RSRP1: variants seen among roughly 807,000 people sequenced by gnomAD.
The protein encoded by RSRP1 is arginine/serine-rich protein 1.
In RSRP1, 37 loss-of-function variants were observed where a neutral mutation model predicts 33.0. The ratio of observed to expected loss-of-function variants is 1.12; its 90% CI spans 0.86 to 1.48. The LOEUF (loss-of-function observed/expected upper bound fraction) is 1.48, where lower values mean the gene tolerates loss of function less well. Among genes scored for constraint, RSRP1 ranks in the 40% most tolerant of loss-of-function variants. The probability of loss-of-function intolerance (pLI) is 0.00; values close to 1 mark genes in which losing one functional copy is unlikely to be tolerated. For missense variants in RSRP1, 402 were observed against 385.3 expected, an observed-to-expected ratio of 1.04 and a Z score of -0.36; for synonymous variants, 167 against 158.7, an observed-to-expected ratio of 1.05 and a Z score of -0.40.
Position 25,320,957 on chromosome 1 carries a change from T to C in RSRP1, c.-67+17021A>G, listed in dbSNP as rs187317244. ...TACTTGGGAGGCTGAGGTGGGAGGG[T>C]TGCTTGACCCCGGGAGTTTGAGGCT... is the stretch of plus-strand genomic sequence containing the variant. On this transcript the variant is annotated intron_variant, in intron 1 of 1. Transcript: ENST00000561867. Among the ~76,000 whole-genome samples the C allele has an allele frequency of 3.1e-5, 4 of 131,012 alleles. No individual in the cohort carries two copies. The East Asian group carries it at 7.9e-4, about 26-fold the overall frequency. 85.9% of individuals were successfully genotyped at this position (131,012 alleles called of 152,430 possible). A position where few individuals can be genotyped will look rare whatever the true frequency, so the allele number is the denominator to read the frequency against.
chr1:25,290,518 C>T lies in RSRP1; in HGVS notation c.-66-43489G>A, dbSNP rs1750383. ...GTGGGTAGAAATCTTGTCTTCTATT[C>T]CCACAGAAAGTAGGTGCCCAACAGT... On this transcript the variant is annotated intron_variant, in intron 1 of 1. Transcript: ENST00000561867. The T allele has an allele frequency of 3.1e-3, 2,815 of 899,452 alleles. 347 individuals are homozygous for T. In the African/African-American group the frequency reaches 0.039, roughly 12 times the overall value. The allele number at this position is 899,452 out of a possible 1,614,324, so 55.7% of individuals were successfully genotyped here. A position where few individuals can be genotyped will look rare whatever the true frequency, so the allele number is the denominator to read the frequency against.
At chr1:25,251,661 G>A (rs929754253), upstream of RSRP1, among the ~76,000 whole-genome samples, 34 of 152,108 alleles carry the variant, frequency 2.2e-4, no homozygotes, top group African/African-American at 7.7e-4. Context: ...GAGCCACTGC[G>A]CCCGGCTCAA....
intron 1 of RSRP1, among the ~76,000 whole-genome samples, chr1:25,256,301 T>A (rs1212735559): frequency 1.3e-5 from 2 of 151,968 alleles, no homozygotes; most frequent in Admixed American, 6.5e-5. Flanking sequence ...ACTACAGGCA[T>A]GCGCCACTAC....
rs1448183442 is a variant in RSRP1 at position 25,292,657 on chromosome 1, G to C, written c.-67+45321C>G. On this transcript the variant is annotated intron_variant, in intron 1 of 1. Coordinates refer to the RSRP1 transcript ENST00000561867. ...GCGTTAGGGTTAAGGTTGGGGGAGGGGGGGTAGAGATGTGTATGAAACATC... is the reference window on the plus strand; with the variant it reads ...GCGTTAGGGTTAAGGTTGGGGGAGGCGGGGTAGAGATGTGTATGAAACATC... 1.5e-5 allele frequency among the ~76,000 whole-genome samples: 2 copies of C among 129,546 alleles called. 1 individual carries two copies. The highest frequency in any genetic ancestry group is 3.7e-5 in the Non-Finnish European group (2 of 54,684). The allele number at this position is 129,546 out of a possible 152,430, so 85.0% of individuals were successfully genotyped here.
intron 1 of RSRP1, among the ~76,000 whole-genome samples, chr1:25,261,142 C>A (rs1029447035): frequency 2.6e-5 from 4 of 152,190 alleles, no homozygotes; most frequent in East Asian, 1.9e-4. Flanking sequence ...TAGATTAGGG[C>A]TCCACCCTCA....
intron 1 of RSRP1, chr1:25,336,909 A>T (rs573798669): frequency 6.6e-6 from 1 of 151,948 alleles, no homozygotes; most frequent in Non-Finnish European, 1.5e-5. Flanking sequence ...AAACAAAAAA[A>T]CCCAAAGGGA....
At chr1:25,258,707 A>G (rs548804070) in intron 1 of RSRP1, among the ~76,000 whole-genome samples, 8 of 152,350 alleles carry the variant, frequency 5.3e-5, no homozygotes, top group Admixed American at 2.0e-4. Flanking sequence ...AATTTTTAAT[A>G]TTCAGTCATT....
chr1:25,299,998 C>G (rs1206156262), intron 1 of RSRP1, among the ~76,000 whole-genome samples: 1 of 131,424 alleles, frequency 7.6e-6, no homozygotes, highest in Non-Finnish European at 1.8e-5. Context: ...GATCCACCCA[C>G]CTCAGCCTCC....
upstream of RSRP1, among the ~76,000 whole-genome samples, chr1:25,251,922 G>A (rs940008559): frequency 6.2e-5 from 9 of 146,122 alleles, no homozygotes; most frequent in South Asian, 4.3e-4. Context: ...ACAGAGTCTC[G>A]CTCTCTTGCC....
At chr1:25,329,511 G>GAA (rs1644946833) in intron 1 of RSRP1, 1 of 205,446 alleles carries the variant, frequency 4.9e-6, no homozygotes, top group African/African-American at 2.5e-5. Context: ...CCAAAGTGCT[G>GAA]GAACCACAGG....
At chr1:25,258,237 G>A (rs1306346846) in intron 1 of RSRP1, among the ~76,000 whole-genome samples, 1 of 152,188 alleles carries the variant, frequency 6.6e-6, no homozygotes, top group Non-Finnish European at 1.5e-5. Flanking sequence ...CTGGAGTGCA[G>A]TGGCACAATC....
Position 25,243,754 on chromosome 1 carries a change from C to T in RSRP1, c.673-121G>A, listed in dbSNP as rs570005753. 8 of 1,460,962 alleles carry T rather than the reference C, an allele frequency of 5.5e-6. No individual in the cohort carries two copies. In the South Asian group the frequency reaches 1.1e-4, roughly 20 times the overall value. 90.5% of individuals were successfully genotyped at this position (1,460,962 alleles called of 1,614,324 possible). On this transcript the variant is annotated intron_variant, in intron 3 of 4. Transcript: ENST00000243189. ...TGTAGACACAAAAATCAACTTGGAT[C>T]TAACAGCCTAAGTAACAGAACTATT...
chr1:25,246,698 C>G lies in RSRP1; in HGVS notation c.266G>C (p.Arg89Pro). The G allele has an allele frequency of 6.2e-7, 1 of 1,607,716 alleles. No homozygotes were observed. ...RSYSRSRSRSRSRRYRERRYG... is the reference protein window; with the variant it reads ...RSYSRSRSRSPSRRYRERRYG... ...GCGCCTCTCTCGGTAACGGCGGCTG[C>G]GGGATCGCGACCGGCTCCGCGAGTA... The change falls in exon 2 of 5, where the codon CGC becomes CCC. Residue 89 changes from arginine (R) to proline (P), a missense_variant. Transcript: ENST00000243189.
chr1:25,268,891 T>A (rs1557503891), intron 1 of RSRP1, among the ~76,000 whole-genome samples: 1 of 122,838 alleles, frequency 8.1e-6, no homozygotes, highest in African/African-American at 2.8e-5. Context: ...GAGGTTGCAG[T>A]GAGCCGAGAT....
intron 2 of RSRP1, 133 bp downstream of exon 2, chr1:25,246,311 C>T: frequency 7.2e-7 from 1 of 1,380,150 alleles, no homozygotes; most frequent in South Asian, 1.4e-5. Flanking sequence ...TAATGTCCTC[C>T]CTCTTTCCTC....
chr1:25,266,888 A>T (rs1640327892), intron 1 of RSRP1: 1 of 120,736 alleles, frequency 8.3e-6, no homozygotes, highest in Non-Finnish European at 1.9e-5. Context: ...GCTACCGGAC[A>T]GGCACCAAGG....
chr1:25,249,205 ATGTGT>A (rs1241788595), upstream of RSRP1, among the ~76,000 whole-genome samples: 1 of 151,312 alleles, frequency 6.6e-6, no homozygotes, highest in Non-Finnish European at 1.5e-5. Flanking sequence ...TATAAAAATG[ATGTGT>A]TGGGGAACTA....
chr1:25,286,582 C>G lies in RSRP1; in HGVS notation c.-66-39553G>C, dbSNP rs1267069585. On this transcript the variant is annotated intron_variant, in intron 1 of 1. Transcript: ENST00000561867. ...CGGGGGGATCATGAGGTCAGGAGATCGAGACCATCCTGGCTAACTCGGAGA... is the reference window on the plus strand; with the variant it reads ...CGGGGGGATCATGAGGTCAGGAGATGGAGACCATCCTGGCTAACTCGGAGA... Among the ~76,000 whole-genome samples the G allele has an allele frequency of 1.0e-3, 136 of 134,004 alleles. 13 individuals carry two copies. The highest frequency in any genetic ancestry group is 2.5e-3 in the African/African-American group (96 of 38,598). 87.9% of individuals were successfully genotyped at this position (134,004 alleles called of 152,430 possible). A position where few individuals can be genotyped will look rare whatever the true frequency, so the allele number is the denominator to read the frequency against.
intron 1 of RSRP1, among the ~76,000 whole-genome samples, chr1:25,332,381 T>G (rs1645030548): frequency 7.6e-6 from 1 of 132,166 alleles, no homozygotes; most frequent in East Asian, 1.9e-4. Context: ...TCCATTTCAA[T>G]TAACTATAAT....
Sources: allele counts gnomAD v4.1 joint callset (sites outside exome capture counted in the v4.1 genomes callset), GRCh38; gene constraint gnomAD v4.1.1; transcripts MANE v1.5; gene names NCBI Gene and HGNC (gene_info 2026-07-23, HGNC 2026-07-21).